Variants in DENND2A observed in about 807,000 individuals in gnomAD.
DENND2A encodes DENN domain containing 2A.
DENND2A carries 53 observed loss-of-function variants against 105.3 expected under a neutral mutation model. That is an observed-to-expected ratio of 0.50 (90% CI 0.40 to 0.63). DENND2A has a LOEUF of 0.63. DENND2A is among the 30% of genes least tolerant of loss of function. DENND2A has a pLI of 0.00. For missense variants in DENND2A, 1,138 were observed against 1,279.6 expected (o/e 0.89, Z 1.69); for synonymous variants, 522 against 508.4 (o/e 1.03, Z -0.36).
chr7:140,573,746 A>T, intron 6 of DENND2A, 62 bp downstream of exon 6: 1 of 1,547,802 alleles, frequency 6.5e-7, no homozygotes, highest in South Asian at 1.2e-5. Flanking sequence ...ACCCCTCTGC[A>T]GTCTTCTTTC....
chr7:140,626,089 C>A (rs138441721), intron 1 of DENND2A, among the ~76,000 whole-genome samples: 1 of 152,226 alleles, frequency 6.6e-6, no homozygotes, highest in Non-Finnish European at 1.5e-5. Flanking sequence ...GTGCTGAATG[C>A]GTCAGGGTGT....
intron 3 of DENND2A, among the ~76,000 whole-genome samples, chr7:140,598,602 C>T (rs2130678502): frequency 6.6e-6 from 1 of 151,840 alleles, no homozygotes; most frequent in African/African-American, 2.4e-5. Context: ...TTTAAGATGT[C>T]TTAAAAAATA....
intron 1 of DENND2A, among the ~76,000 whole-genome samples, chr7:140,635,474 G>T (rs1434612890): frequency 6.6e-6 from 1 of 152,166 alleles, no homozygotes; most frequent in African/African-American, 2.4e-5. Flanking sequence ...GAAGGCCTGG[G>T]GATCCCGGGA....
chr7:140,589,796 G>A (rs2130655349), intron 3 of DENND2A, among the ~76,000 whole-genome samples: 1 of 152,202 alleles, frequency 6.6e-6, no homozygotes, highest in Non-Finnish European at 1.5e-5. Flanking sequence ...GGCTGGCTAA[G>A]TTTTAATTTT....
chr7:140,523,462 G>A lies in DENND2A; in HGVS notation c.2548-38C>T. 1 of 1,589,056 alleles carries A rather than the reference G, an allele frequency of 6.3e-7. No homozygotes were observed. Among genetic ancestry groups the A allele is most frequent in the Non-Finnish European group, 8.6e-7 (1 of 1,158,378 alleles). On this transcript the variant is annotated intron_variant, in intron 16 of 19. Coordinates refer to ENST00000496613, the MANE Select transcript of DENND2A (RefSeq NM_015689.5). This position sits in a 1 kb window ranked among gnomAD's most constrained non-coding sequence, Gnocchi z 4.5. ...GGTAGCAGGTGGGCTTATGGGCACG[G>A]TGGCTGCGTCTTGGCCATAGGACAC...
At chr7:140,520,263 G>A (rs1220235551) in intron 18 of DENND2A, among the ~76,000 whole-genome samples, 1 of 151,044 alleles carries the variant, frequency 6.6e-6, no homozygotes, top group Non-Finnish European at 1.5e-5. Context: ...CCAAGGTCAC[G>A]CCTTTGCACT....
In DENND2A at chr7:140,518,539, G is replaced by A. The variant is rs573921957; in HGVS notation, c.*168C>T. 10 of 546,552 alleles carry A rather than the reference G, an allele frequency of 1.8e-5. No individual in the cohort carries two copies. The highest frequency in any genetic ancestry group is 6.9e-5 in the South Asian group (2 of 28,888). The allele number at this position is 546,552 out of a possible 1,614,324, so 33.9% of individuals were successfully genotyped here. On this transcript the variant is annotated 3_prime_UTR_variant, in exon 20 of 20. Coordinates refer to ENST00000496613, the MANE Select transcript of DENND2A (RefSeq NM_015689.5). ...CCTTTCTGGGGCTGTCCTCCCAGGCGGCTCCCAGGTCCTCATCCAGGGAAG... is the reference window on the plus strand; with the variant it reads ...CCTTTCTGGGGCTGTCCTCCCAGGCAGCTCCCAGGTCCTCATCCAGGGAAG...
intron 5 of DENND2A, among the ~76,000 whole-genome samples, chr7:140,584,462 T>C (rs1311632694): frequency 3.3e-5 from 5 of 152,162 alleles, no homozygotes; most frequent in African/African-American, 1.2e-4. Context: ...TGGTAGGCTC[T>C]GGATGGAAGG....
chr7:140,629,520 G>C (rs1800659105), intron 1 of DENND2A, among the ~76,000 whole-genome samples: 1 of 152,206 alleles, frequency 6.6e-6, no homozygotes, highest in South Asian at 2.1e-4. Context: ...CCCGGCAGCA[G>C]GCTAGATGTT....
chr7:140,606,683 G>A (rs994241571), intron 1 of DENND2A, among the ~76,000 whole-genome samples: 13 of 152,116 alleles, frequency 8.5e-5, no homozygotes, highest in African/African-American at 3.1e-4. Flanking sequence ...CAGTCACGAG[G>A]TCATCTGTCT....
At position 140,567,273 on chromosome 7, in the gene DENND2A, G is replaced by C; in HGVS notation, c.1592C>G (p.Ala531Gly). 1 of 1,603,254 alleles carries C rather than the reference G, an allele frequency of 6.2e-7. No homozygotes were observed. The highest frequency in any genetic ancestry group is 8.5e-7 in the Non-Finnish European group (1 of 1,175,248). Residue 531 changes from alanine (A) to glycine (G), a missense_variant and splice_region_variant, in exon 9 of 20, where the codon GCT becomes GGT. This residue lies in a region of DENND2A where 627 missense variants were observed against 779.8 expected (regional missense o/e 0.80). Coordinates refer to ENST00000496613, the MANE Select transcript of DENND2A (RefSeq NM_015689.5). ...SDSDTEEKLK[A>G]HSQRLVNVKS... ...CACGTTGACCAGGCGCTGGCTGTGA[G>C]CTGGGTGAGGGAGGGAGAGAGAAAG...
intron 4 of DENND2A, 102 bp from the exon 5 acceptor site, chr7:140,585,812 G>T: frequency 3.2e-6 from 5 of 1,540,404 alleles, no homozygotes; most frequent in Admixed American, 1.8e-5. Context: ...GTCCATTCTT[G>T]TAGGCATATC....
rs1311358085 is a variant in DENND2A at position 140,633,878 on chromosome 7, C to T, written c.-248+6626G>A. ...GCCCACCAGGCTCAAGTGATCCTCC[C>T]ACTTCAGCCTCCAACCTCGGCTACT... On this transcript the variant is annotated intron_variant, in intron 1 of 19. Transcript: ENST00000496613. Among the ~76,000 whole-genome samples, 8 of 152,238 alleles carry T rather than the reference C, an allele frequency of 5.3e-5. No homozygotes were observed. In the East Asian group the frequency reaches 1.5e-3, roughly 29 times the overall value.
At chr7:140,624,781 G>GC (rs1356616088) in intron 1 of DENND2A, among the ~76,000 whole-genome samples, 2 of 137,514 alleles carry the variant, frequency 1.5e-5, no homozygotes, top group African/African-American at 2.7e-5. Context: ...TCTGGTGATT[G>GC]TTTTTTTTTT....
rs770862327 is a variant in DENND2A, at chr7:140,546,779, G to A, written c.2178+20C>T. 2.5e-6 allele frequency: 4 copies of A among 1,613,040 alleles called. No homozygotes were observed. The highest frequency in any genetic ancestry group is 3.4e-6 in the Non-Finnish European group (4 of 1,179,252). ...GGGCCACTGCCTCCCCAGGGAGAAG[G>A]AAGGAGTCTGACAACTCACCTCAGT... On this transcript the variant is annotated intron_variant, in intron 13 of 19. Coordinates refer to ENST00000496613, the MANE Select transcript of DENND2A (RefSeq NM_015689.5).
chr7:140,627,709 T>C (rs1283781665), intron 1 of DENND2A, among the ~76,000 whole-genome samples: 2 of 151,386 alleles, frequency 1.3e-5, no homozygotes, highest in African/African-American at 4.9e-5. Flanking sequence ...TGTAGAGACA[T>C]AGAAACAGGG....
At chr7:140,565,568 T>G (rs953940370) in intron 9 of DENND2A, among the ~76,000 whole-genome samples, 1 of 152,166 alleles carries the variant, frequency 6.6e-6, no homozygotes, top group South Asian at 2.1e-4. Flanking sequence ...TGCTTCAGGC[T>G]ATATTAAGTG....
At chr7:140,580,847 G>A (rs1798512165) in intron 5 of DENND2A, among the ~76,000 whole-genome samples, 1 of 151,530 alleles carries the variant, frequency 6.6e-6, no homozygotes, top group African/African-American at 2.4e-5. Context: ...ATGTTGGCCA[G>A]GCTGATCTCG....
intron 1 of DENND2A, among the ~76,000 whole-genome samples, chr7:140,611,173 C>A (rs894074781): frequency 6.6e-6 from 1 of 152,160 alleles, no homozygotes; most frequent in Non-Finnish European, 1.5e-5. Flanking sequence ...TCCCAAGTAG[C>A]TGGGATTACA....
Sources: allele counts gnomAD v4.1 joint callset (sites outside exome capture counted in the v4.1 genomes callset), GRCh38; gene constraint gnomAD v4.1.1; regional missense constraint gnomAD v4.1.1; non-coding constraint Gnocchi (gnomAD v3.1); transcripts MANE v1.5; gene names NCBI Gene and HGNC (gene_info 2026-07-23, HGNC 2026-07-21).